Variants in RSPH9 observed in about 807,000 individuals in gnomAD.
The protein encoded by RSPH9 is radial spoke head protein 9 homolog.
In RSPH9, 27 loss-of-function variants were observed where a neutral mutation model predicts 27.0. The observed-to-expected ratio is 1.00, with a 90% CI of 0.74 to 1.38. The LOEUF is 1.38. Among genes scored for constraint, RSPH9 ranks in the 40% most tolerant of loss-of-function variants. The probability of loss-of-function intolerance (pLI) is 0.00; values close to 1 mark genes in which losing one functional copy is unlikely to be tolerated. For missense variants in RSPH9, 347 were observed against 357.4 expected (o/e 0.97, Z 0.24); for synonymous variants, 145 against 147.7 (o/e 0.98, Z 0.13).
chr6:43,656,058 TTCTTTCCCTCCTTCCC>T (rs1772012191), intron 3 of RSPH9, among the ~76,000 whole-genome samples: 3 of 145,304 alleles, frequency 2.1e-5, no homozygotes, highest in South Asian at 2.3e-4. Flanking sequence ...CTTCTTTCCC[TTCTTTCCCTCCTTCCC>T]TCCCTCCCTC....
intron 2 of RSPH9, among the ~76,000 whole-genome samples, chr6:43,652,507 C>A (rs1308266365): frequency 1.3e-5 from 2 of 150,756 alleles, no homozygotes; most frequent in African/African-American, 4.9e-5. Flanking sequence ...TTCACTGCAA[C>A]CTCTGCCTCC....
chr6:43,645,337 CCCGGGA>C lies in RSPH9; in HGVS notation c.227+14_227+19del, dbSNP rs1561934995. On this transcript the variant is annotated intron_variant, in intron 1 of 4. Transcript: ENST00000372163. ...AAGACGCTCTATAGGTGAGGAGGCC[CCCGGGA>C]CGGGCTCCCCAGAGGGTGGCTACCT... The C allele has an allele frequency of 1.7e-5, 24 of 1,431,416 alleles. No individual in the cohort carries two copies. The highest frequency in any genetic ancestry group is 9.2e-5 in the Admixed American group (5 of 54,312). The allele number at this position is 1,431,416 out of a possible 1,614,324, so 88.7% of individuals were successfully genotyped here.
chr6:43,652,982 C>A (rs1240924948), intron 2 of RSPH9, among the ~76,000 whole-genome samples: 1 of 151,726 alleles, frequency 6.6e-6, no homozygotes, highest in African/African-American at 2.4e-5. Context: ...CCATACCTGG[C>A]TAATTTTTGT....
chr6:43,668,192 C>CA (rs1195796378), intron 4 of RSPH9, among the ~76,000 whole-genome samples: 2 of 152,196 alleles, frequency 1.3e-5, no homozygotes, highest in African/African-American at 4.8e-5. Flanking sequence ...GCGGTGACAG[C>CA]AGCTGGCTGG....
chr6:43,667,485 G>A (rs1042467136), intron 4 of RSPH9, among the ~76,000 whole-genome samples: 8 of 152,240 alleles, frequency 5.3e-5, no homozygotes, highest in Non-Finnish European at 8.8e-5. Flanking sequence ...TGAGGACCGG[G>A]AAGGGGGCGA....
At chr6:43,656,138 T>G (rs1259955128) in intron 3 of RSPH9, among the ~76,000 whole-genome samples, 1 of 145,300 alleles carries the variant, frequency 6.9e-6, no homozygotes, top group Non-Finnish European at 1.5e-5. Context: ...CAGGCTGGAG[T>G]GCAGTGGCAC....
intron 4 of RSPH9, among the ~76,000 whole-genome samples, chr6:43,668,377 G>A (rs1773363434): frequency 6.6e-6 from 1 of 152,108 alleles, no homozygotes; most frequent in African/African-American, 2.4e-5. Context: ...AGGGAGGGAG[G>A]CAGTGCTGTT....
At chr6:43,647,002 G>A (rs1401615350) in intron 1 of RSPH9, among the ~76,000 whole-genome samples, 1 of 151,730 alleles carries the variant, frequency 6.6e-6, no homozygotes, top group African/African-American at 2.4e-5. Context: ...GGGCATGGTG[G>A]TGCATACCTG....
intron 4 of RSPH9, among the ~76,000 whole-genome samples, chr6:43,669,326 T>C (rs752662): frequency 1.3e-5 from 2 of 152,274 alleles, no homozygotes; most frequent in Non-Finnish European, 2.9e-5. Flanking sequence ...CCAAACTATA[T>C]ACGCCCAGAA....
intron 4 of RSPH9, among the ~76,000 whole-genome samples, chr6:43,660,455 TTTTA>T (rs1047515046): frequency 2.0e-5 from 3 of 151,886 alleles, no homozygotes; most frequent in Non-Finnish European, 2.9e-5. Flanking sequence ...GCATATTCTT[TTTTA>T]TTTATTTATT....
chr6:43,645,452 A>T, intron 1 of RSPH9, 127 bp downstream of exon 1: 1 of 780,654 alleles, frequency 1.3e-6, no homozygotes, highest in Non-Finnish European at 2.1e-6. Flanking sequence ...GGGATCTGAG[A>T]TGAGTGGAAT....
intron 4 of RSPH9, among the ~76,000 whole-genome samples, chr6:43,661,758 C>T (rs1400988764): frequency 1.3e-5 from 2 of 152,086 alleles, no homozygotes; most frequent in South Asian, 2.1e-4. Flanking sequence ...TTAGTGTAGC[C>T]GCCTTAATCA....
At chr6:43,648,641 T>G (rs1392714003) in intron 1 of RSPH9, among the ~76,000 whole-genome samples, 1 of 152,102 alleles carries the variant, frequency 6.6e-6, no homozygotes, top group Non-Finnish European at 1.5e-5. Flanking sequence ...AGCTTAGGTG[T>G]GAACAGTTGG....
chr6:43,655,365 C>T lies in RSPH9; in HGVS notation c.394-197C>T, dbSNP rs2295944. On this transcript the variant is annotated intron_variant, in intron 2 of 4. Transcript: ENST00000372163. ...AATATCATACCACCCTTATGTATTA[C>T]GAATTAAAAAACAAATAAAAAGAAA... Among the ~76,000 whole-genome samples the T allele has an allele frequency of 0.047, 7,148 of 152,042 alleles. 235 individuals are homozygous for T. The highest frequency in any genetic ancestry group is 0.092 in the South Asian group (441 of 4,816).
chr6:43,669,616 C>A (rs977950018), intron 4 of RSPH9, among the ~76,000 whole-genome samples: 2 of 152,254 alleles, frequency 1.3e-5, no homozygotes, highest in Non-Finnish European at 2.9e-5. Flanking sequence ...GCTGGTCCAA[C>A]ACCAAAACTT....
Position 43,670,740 on chromosome 6 carries a change from C to G in RSPH9, c.671-49C>G, listed in dbSNP as rs746140683. ...AGGGGCCACAGCATGAAGGGCAGAGCTGTGGCTCCAGCAGCACCAGGCCTC... is the reference window on the plus strand; with the variant it reads ...AGGGGCCACAGCATGAAGGGCAGAGGTGTGGCTCCAGCAGCACCAGGCCTC... On this transcript the variant is annotated intron_variant, in intron 4 of 4. Coordinates refer to ENST00000372163, the MANE Select transcript of RSPH9 (RefSeq NM_152732.5). 1.5e-5 allele frequency: 23 copies of G among 1,570,402 alleles called. No individual in the cohort carries two copies. The African/African-American group carries it at 2.7e-4, about 18-fold the overall frequency.
chr6:43,652,362 CT>C (rs1285185861), intron 2 of RSPH9, among the ~76,000 whole-genome samples: 1 of 150,426 alleles, frequency 6.6e-6, no homozygotes, highest in Non-Finnish European at 1.5e-5. Flanking sequence ...CTGAACCTTG[CT>C]TTTTTTCACC....
intron 4 of RSPH9, among the ~76,000 whole-genome samples, chr6:43,658,799 C>T (rs1473101445): frequency 6.6e-6 from 1 of 152,180 alleles, no homozygotes. Flanking sequence ...CTACCTCGAC[C>T]TTCCAAAGTG....
rs1771918515 is a variant in RSPH9, at chr6:43,655,557, C to T, written c.394-5C>T. 6 of 1,614,010 alleles carry T rather than the reference C, an allele frequency of 3.7e-6. No homozygotes were observed. The highest frequency in any genetic ancestry group is 1.3e-5 in the African/African-American group (1 of 74,990). Reference sequence around the variant, plus strand: ...GGCAGGGGGGCTCCTCTCCTGTCTCCTCAGGTCCAGATCAAGGAAGAGACC... The same window carrying T: ...GGCAGGGGGGCTCCTCTCCTGTCTCTTCAGGTCCAGATCAAGGAAGAGACC... On this transcript the variant is annotated splice_region_variant and splice_polypyrimidine_tract_variant and intron_variant, in intron 2 of 4. Transcript: ENST00000372163.
Sources: gnomAD v4.1 joint callset for allele counts (sites outside exome capture counted in the v4.1 genomes callset) on GRCh38, gnomAD v4.1.1 for gene constraint, MANE v1.5 for transcripts, NCBI Gene and HGNC (gene_info 2026-07-23, HGNC 2026-07-21) for gene names.